The following BRSK2 variants were observed in gnomAD, a reference collection of about 807,000 sequenced individuals.
BRSK2 encodes BR serine/threonine kinase 2.
A neutral mutation model predicts 83.3 loss-of-function variants in BRSK2; 19 were observed. The observed-to-expected ratio is 0.23, with a 90% CI of 0.16 to 0.33. The LOEUF is 0.33. Ranked by LOEUF, BRSK2 falls within the 10% of genes least tolerant of loss-of-function variation. The pLI is 1.00. For synonymous variants in BRSK2, 519 were observed against 435.4 expected, an observed-to-expected ratio of 1.19 and a Z score of -2.39; for missense variants, 798 against 1,042.3, an observed-to-expected ratio of 0.77 and a Z score of 3.23.
chr11:1,427,092 C>T (rs1483758415), intron 1 of BRSK2, among the ~76,000 whole-genome samples: 3 of 152,184 alleles, frequency 2.0e-5, no homozygotes, highest in African/African-American at 7.2e-5. Context: ...CAGCCCTAGG[C>T]TGGCTTGGCT....
intron 3 of BRSK2, 33 bp from the exon 4 acceptor site, chr11:1,440,755 A>C: frequency 6.5e-7 from 1 of 1,545,300 alleles, no homozygotes; most frequent in East Asian, 2.4e-5. Context: ...GGGCAGCCAC[A>C]GCTGGGCGCA....
chr11:1,455,921 G>A (rs1341020641), intron 16 of BRSK2, among the ~76,000 whole-genome samples: 1 of 147,528 alleles, frequency 6.8e-6, no homozygotes, highest in Non-Finnish European at 1.5e-5. Flanking sequence ...GCCCCAGCAG[G>A]AGGGCACAGC....
intron 12 of BRSK2, among the ~76,000 whole-genome samples, chr11:1,448,785 G>A (rs1299892213): frequency 6.6e-6 from 1 of 152,260 alleles, no homozygotes; most frequent in Non-Finnish European, 1.5e-5. Context: ...GGCTGTGTCT[G>A]GTGAGGGAGT....
At chr11:1,433,867 C>T (rs1466559373) in intron 1 of BRSK2, among the ~76,000 whole-genome samples, 2 of 152,214 alleles carry the variant, frequency 1.3e-5, no homozygotes, top group Non-Finnish European at 2.9e-5. Context: ...TGTGTCACTG[C>T]CCGGCCTGCA....
intron 1 of BRSK2, among the ~76,000 whole-genome samples, chr11:1,407,849 G>A (rs919841563): frequency 3.9e-5 from 6 of 152,212 alleles, no homozygotes; most frequent in African/African-American, 1.4e-4. Flanking sequence ...GGGCCCGGCA[G>A]GGAGGGGCTG....
intron 3 of BRSK2, among the ~76,000 whole-genome samples, chr11:1,439,983 A>G (rs1252716612): frequency 2.0e-5 from 3 of 152,152 alleles, no homozygotes; most frequent in African/African-American, 7.2e-5. Context: ...CTCCTGGGAC[A>G]GCCAGTCATC....
chr11:1,396,429 G>A (rs994129502), intron 1 of BRSK2, among the ~76,000 whole-genome samples: 1 of 152,220 alleles, frequency 6.6e-6, no homozygotes, highest in East Asian at 1.9e-4. Context: ...AGTCTGCGGA[G>A]TGACCCCGGG....
chr11:1,392,063 G>A (rs780174377), intron 1 of BRSK2, among the ~76,000 whole-genome samples: 6 of 152,198 alleles, frequency 3.9e-5, no homozygotes, highest in African/African-American at 9.7e-5. Flanking sequence ...GAGTTATGAC[G>A]GGCAGAGCGC....
At position 1,445,213 on chromosome 11, in the gene BRSK2, G is replaced by A. The variant is rs963646981; in HGVS notation, c.813-81G>A. ...GAGAGTGGCAGGATGAAGGGCCCCA[G>A]GTGAGGGCGGGCGTCCCACCCTCGC... On this transcript the variant is annotated intron_variant, in intron 9 of 19. Transcript: ENST00000528841. 1.5e-5 allele frequency: 23 copies of A among 1,525,592 alleles called. No individual in the cohort carries two copies. The Middle Eastern group carries it at 5.9e-4, about 39-fold the overall frequency. The allele number at this position is 1,525,592 out of a possible 1,614,324, so 94.5% of individuals were successfully genotyped here. A position where few individuals can be genotyped will look rare whatever the true frequency, so the allele number is the denominator to read the frequency against.
intron 1 of BRSK2, among the ~76,000 whole-genome samples, chr11:1,413,211 A>AGATGGCCCCTGGG (rs1847736137): frequency 3.3e-5 from 5 of 152,182 alleles, no homozygotes; most frequent in Admixed American, 6.5e-5. Flanking sequence ...TCTGCCTCCC[A>AGATGGCCCCTGGG]GACGGCCCCT....
intron 18 of BRSK2, 24 bp from the exon 19 acceptor site, chr11:1,459,168 T>G: frequency 6.2e-7 from 1 of 1,608,642 alleles, no homozygotes; most frequent in Non-Finnish European, 8.5e-7. Flanking sequence ...ACTCCCTCCC[T>G]CCTCTCTCCA....
At chr11:1,442,990 C>A in intron 5 of BRSK2, 116 bp from the exon 6 acceptor site, 1 of 1,188,362 alleles carries the variant, frequency 8.4e-7, no homozygotes, top group Non-Finnish European at 1.1e-6. Context: ...AATGTGGGGG[C>A]GTCTGGCACC....
intron 1 of BRSK2, 104 bp from the exon 2 acceptor site, chr11:1,435,936 T>C: frequency 2.4e-6 from 2 of 818,624 alleles, no homozygotes; most frequent in East Asian, 2.8e-5. Flanking sequence ...GTGGGACCCC[T>C]GCTGTCCAGG....
chr11:1,449,886 C>A (rs777636637), intron 13 of BRSK2, 50 bp downstream of exon 13: 6 of 1,449,108 alleles, frequency 4.1e-6, no homozygotes, highest in Non-Finnish European at 5.8e-6. Context: ...AGGCCCCAAC[C>A]CTCCCAGTCA....
intron 19 of BRSK2, among the ~76,000 whole-genome samples, chr11:1,460,239 C>T (rs950675402): frequency 2.6e-5 from 4 of 152,134 alleles, no homozygotes; most frequent in Non-Finnish European, 2.9e-5. Context: ...CCTGGCCCCA[C>T]GGCGCACAGC....
At chr11:1,457,742 G>T (rs1405108433) in intron 18 of BRSK2, among the ~76,000 whole-genome samples, 1 of 152,120 alleles carries the variant, frequency 6.6e-6, no homozygotes, top group African/African-American at 2.4e-5. Flanking sequence ...GCCAAAGAGG[G>T]CCCCACTGCC....
chr11:1,449,322 G>C (rs1027964737), intron 12 of BRSK2, among the ~76,000 whole-genome samples: 16 of 152,212 alleles, frequency 1.1e-4, no homozygotes, highest in Admixed American at 3.3e-4. Context: ...CATCCCTCAC[G>C]GGCATCTAGG....
chr11:1,434,672 C>T lies in BRSK2; in HGVS notation c.92-1368C>T, dbSNP rs1489396841. 8.8e-5 allele frequency among the ~76,000 whole-genome samples: 12 copies of T among 136,688 alleles called. No individual in the cohort carries two copies. In the East Asian group the frequency reaches 9.2e-4, roughly 10 times the overall value. The allele number at this position is 136,688 out of a possible 152,430, so 89.7% of individuals were successfully genotyped here. ...TGGGGTCCTCTGTGATAACCTGGGC[C>T]GGCTCTGGGTGTCTGGGGGCACCTA... On this transcript the variant is annotated intron_variant, in intron 1 of 19. Transcript: ENST00000528841.
In BRSK2 at chr11:1,456,643, A is replaced by G. The variant is rs1414009809; in HGVS notation, c.1895A>G (p.Gln632Arg). Reference sequence around the variant, plus strand: ...AGGGTGGTGGAGACCATCCAGGCCCAGCTGCTGAGCACACACGACCCGCCT... The same window carrying G: ...AGGGTGGTGGAGACCATCCAGGCCCGGCTGCTGAGCACACACGACCCGCCT... ...FKRVVETIQA[Q>R]LLSTHDPPAA... The change falls in exon 18 of 20, where the codon CAG (glutamine) becomes CGG (arginine). Residue 632 changes from glutamine to arginine, a missense_variant. Coordinates refer to ENST00000528841, the MANE Select transcript of BRSK2 (RefSeq NM_001256627.2). 6.2e-7 allele frequency: 1 copy of G among 1,610,766 alleles called. No individual in the cohort carries two copies. Among genetic ancestry groups the G allele is most frequent in the South Asian group, 1.1e-5 (1 of 90,550 alleles).
Sources: gnomAD v4.1 joint callset for allele counts (sites outside exome capture counted in the v4.1 genomes callset) on GRCh38, gnomAD v4.1.1 for gene constraint, MANE v1.5 for transcripts, NCBI Gene and HGNC (gene_info 2026-07-23, HGNC 2026-07-21) for gene names.